Variants in UTRN observed in about 807,000 individuals in gnomAD.
The protein encoded by UTRN is utrophin, also known as dystrophin-related protein 1.
In UTRN, 283 loss-of-function variants were observed where a neutral mutation model predicts 463.9. That is an observed-to-expected ratio of 0.61 (90% CI 0.55 to 0.67). The LOEUF (loss-of-function observed/expected upper bound fraction) is 0.67, where lower values mean the gene tolerates loss of function less well. Ranked by LOEUF, UTRN falls within the 30% of genes least tolerant of loss-of-function variation. The pLI is 0.00. For missense variants in UTRN, 3,922 were observed against 4,084.3 expected (o/e 0.96, Z 1.08); for synonymous variants, 1,442 against 1,431.5 (o/e 1.01, Z -0.17).
intron 60 of UTRN, among the ~76,000 whole-genome samples, chr6:144,778,753 A>G (rs928006462): frequency 5.3e-5 from 8 of 152,166 alleles, no homozygotes; most frequent in Non-Finnish European, 1.0e-4. Flanking sequence ...ATGCATTTCT[A>G]TTCCATCCCC....
At chr6:144,541,053 C>T (rs1047435957) in intron 45 of UTRN, among the ~76,000 whole-genome samples, 1 of 152,238 alleles carries the variant, frequency 6.6e-6, no homozygotes, top group African/African-American at 2.4e-5. Flanking sequence ...CTGCCCCACT[C>T]ATCTCCCCTG....
intron 2 of UTRN, among the ~76,000 whole-genome samples, chr6:144,336,621 A>G (rs1776738880): frequency 6.6e-6 from 1 of 152,156 alleles, no homozygotes; most frequent in Admixed American, 6.5e-5. Context: ...GCTTCGAGAA[A>G]ACTCACTTGC....
intron 59 of UTRN, among the ~76,000 whole-genome samples, chr6:144,772,431 A>G (rs1794176676): frequency 1.3e-5 from 2 of 152,194 alleles, no homozygotes; most frequent in African/African-American, 4.8e-5. Context: ...TAAATTTCTA[A>G]GGGCAATGCA....
chr6:144,711,315 C>CAAAA (rs200027523), intron 53 of UTRN, among the ~76,000 whole-genome samples: 8 of 149,504 alleles, frequency 5.4e-5, no homozygotes, highest in African/African-American at 9.7e-5. Context: ...ACTCCCGTCT[C>CAAAA]AAAACAAACA....
intron 50 of UTRN, among the ~76,000 whole-genome samples, chr6:144,562,713 T>C (rs1241597127): frequency 8.5e-5 from 13 of 152,206 alleles, no homozygotes; most frequent in Admixed American, 8.5e-4. Context: ...CCTGTGGGTA[T>C]ATACCCAGAA....
intron 51 of UTRN, among the ~76,000 whole-genome samples, chr6:144,673,208 T>C (rs1211553154): frequency 6.6e-6 from 1 of 152,122 alleles, no homozygotes; most frequent in Non-Finnish European, 1.5e-5. Flanking sequence ...TAGGGTATAG[T>C]TTAAGTTCAT....
At chr6:144,511,258 C>T in intron 35 of UTRN, 135 bp downstream of exon 35, 1 of 838,816 alleles carries the variant, frequency 1.2e-6, no homozygotes, top group Non-Finnish European at 1.6e-6. Flanking sequence ...GAATTAATTT[C>T]ATTAGACTAG....
chr6:144,451,390 A>G lies in UTRN; in HGVS notation c.2093A>G (p.Glu698Gly). 6.2e-7 allele frequency: 1 copy of G among 1,613,526 alleles called. No individual in the cohort carries two copies. Among genetic ancestry groups the G allele is most frequent in the Non-Finnish European group, 8.5e-7 (1 of 1,179,816 alleles). ...AACAGGTTTGATGCTATAAGTGCAG[A>G]GCTGTTGAACTGGATTTTGAAATGG... ...AKKKFDAISA[E>G]LLNWILKWKT... Residue 698 changes from glutamate to glycine, a missense_variant, in exon 18 of 75, where the codon GAG becomes GGG. Physicochemically the swap from Glu to Gly is moderately conservative, Grantham distance 98. This residue lies in a region of UTRN where 2,349 missense variants were observed against 2,303.8 expected (regional missense o/e 1.02). Transcript: ENST00000367545.
intron 51 of UTRN, among the ~76,000 whole-genome samples, chr6:144,649,752 T>G (rs1778622314): frequency 1.3e-5 from 2 of 152,188 alleles, no homozygotes; most frequent in Non-Finnish European, 2.9e-5. Flanking sequence ...TTCTAAAAAC[T>G]GTCATATTTA....
chr6:144,531,110 A>G lies in UTRN; in HGVS notation c.5965A>G (p.Thr1989Ala), dbSNP rs1797020188. Reference protein sequence around the residue: ...RQFHCDLNDLTQWITEAEELL... With the variant: ...RQFHCDLNDLAQWITEAEELL... Reference sequence around the variant, plus strand: ...GTTCCATTGTGACCTTAATGACCTCACACAGTGGATAACAGAGGCTGAAGA... The same window carrying G: ...GTTCCATTGTGACCTTAATGACCTCGCACAGTGGATAACAGAGGCTGAAGA... Residue 1989 changes from threonine (T) to alanine (A), a missense_variant, in exon 42 of 75, where the codon ACA (threonine) becomes GCA (alanine). This residue lies in a region of UTRN where 2,349 missense variants were observed against 2,303.8 expected (regional missense o/e 1.02). Transcript: ENST00000367545. 6.2e-7 allele frequency: 1 copy of G among 1,613,964 alleles called. No homozygotes were observed. The highest frequency in any genetic ancestry group is 8.5e-7 in the Non-Finnish European group (1 of 1,180,004).
intron 3 of UTRN, among the ~76,000 whole-genome samples, chr6:144,417,667 G>A (rs923564815): frequency 6.6e-6 from 1 of 152,148 alleles, no homozygotes; most frequent in Non-Finnish European, 1.5e-5. Flanking sequence ...AATATTTTGT[G>A]ACATGTGGGA....
intron 17 of UTRN, among the ~76,000 whole-genome samples, chr6:144,449,051 C>T (rs1787982081): frequency 2.0e-5 from 3 of 152,108 alleles, no homozygotes; most frequent in Admixed American, 2.0e-4. Flanking sequence ...CCATTATTCT[C>T]CTTGGAAGGA....
chr6:144,557,899 C>T (rs1799532074), intron 50 of UTRN, among the ~76,000 whole-genome samples: 2 of 152,090 alleles, frequency 1.3e-5, no homozygotes, highest in Admixed American at 6.6e-5. Flanking sequence ...ATCACTTGAA[C>T]ACCTAGAATT....
intron 50 of UTRN, among the ~76,000 whole-genome samples, chr6:144,574,470 G>A (rs979793816): frequency 2.0e-5 from 3 of 152,198 alleles, no homozygotes; most frequent in African/African-American, 4.8e-5. Context: ...TTCTTTATCC[G>A]TATGTAATAC....
intron 57 of UTRN, among the ~76,000 whole-genome samples, chr6:144,756,443 A>G (rs766729221): frequency 3.3e-4 from 50 of 152,284 alleles, no homozygotes; most frequent in Non-Finnish European, 6.0e-4. Flanking sequence ...GAATCCAAGG[A>G]GGTAGAAGTT....
intron 48 of UTRN, among the ~76,000 whole-genome samples, chr6:144,554,092 A>ATG (rs1284855383): frequency 6.6e-6 from 1 of 152,224 alleles, no homozygotes; most frequent in Non-Finnish European, 1.5e-5. Flanking sequence ...TGGAATTTTT[A>ATG]TGATGAAGAG....
intron 51 of UTRN, among the ~76,000 whole-genome samples, chr6:144,662,280 G>C (rs1237704622): frequency 2.0e-5 from 3 of 152,092 alleles, no homozygotes; most frequent in Non-Finnish European, 2.9e-5. Context: ...TTTATTGGCA[G>C]GAAAACTGGA....
At chr6:144,723,198 A>G (rs906787202) in intron 53 of UTRN, among the ~76,000 whole-genome samples, 4 of 152,216 alleles carry the variant, frequency 2.6e-5, no homozygotes, top group African/African-American at 7.2e-5. Flanking sequence ...ATAAAAACCA[A>G]CTGCAGACTG....
At chr6:144,350,323 T>C (rs1778004691) in intron 2 of UTRN, among the ~76,000 whole-genome samples, 1 of 152,194 alleles carries the variant, frequency 6.6e-6, no homozygotes. Context: ...TTCCTTCCTC[T>C]CTCCAAAACC....
Sources: allele counts gnomAD v4.1 joint callset (sites outside exome capture counted in the v4.1 genomes callset), GRCh38; gene constraint gnomAD v4.1.1; regional missense constraint gnomAD v4.1.1; transcripts MANE v1.5; gene names NCBI Gene and HGNC (gene_info 2026-07-23, HGNC 2026-07-21).